ARHGAP29: variants seen among roughly 807,000 people sequenced by gnomAD.
The protein encoded by ARHGAP29 is rho GTPase-activating protein 29.
A neutral mutation model predicts 122.6 loss-of-function variants in ARHGAP29; 43 were observed. That is an observed-to-expected ratio of 0.35 (90% CI 0.27 to 0.45). The LOEUF (loss-of-function observed/expected upper bound fraction) is 0.45. ARHGAP29 is among the 20% of genes least tolerant of loss of function. The pLI is 1.00. For missense variants in ARHGAP29, 1,303 were observed against 1,477.2 expected, an observed-to-expected ratio of 0.88 and a Z score of 1.93; for synonymous variants, 506 against 497.1, an observed-to-expected ratio of 1.02 and a Z score of -0.24.
At chr1:94,301,794 ATGAGGC>A in the ARHGAP29 span, among the ~76,000 whole-genome samples, 4 of 152,190 alleles carry the variant, frequency 2.6e-5, no homozygotes, top group Non-Finnish European at 5.9e-5. Context: ...TACAAGGGAA[ATGAGGC>A]TGCACTGTGG....
chr1:94,231,575 G>GT lies in ARHGAP29; in HGVS notation c.36dup (p.Arg13ThrfsTer11). 6.2e-7 allele frequency: 1 copy of GT among 1,613,412 alleles called. No homozygotes were observed. ...GAGAGTTGACCTGATGCCCAAGCAC[G>GT]TTTTTTCTTTGTCTTTTTCTGTTTG... On this transcript the variant is annotated frameshift_variant, in exon 2 of 23. Coordinates refer to ENST00000260526, the MANE Select transcript of ARHGAP29 (RefSeq NM_004815.4). LOFTEE classifies it high-confidence loss of function.
At chr1:94,301,384 G>A in the ARHGAP29 span, among the ~76,000 whole-genome samples, 3 of 152,196 alleles carry the variant, frequency 2.0e-5, no homozygotes, top group Middle Eastern at 3.4e-3. Flanking sequence ...TAGATCCAGC[G>A]GCTCAGATAT....
the ARHGAP29 span, among the ~76,000 whole-genome samples, chr1:94,307,609 A>G: frequency 6.6e-6 from 1 of 152,232 alleles, no homozygotes; most frequent in Non-Finnish European, 1.5e-5. Flanking sequence ...TAGACAATAC[A>G]TCAATGGCAC....
the ARHGAP29 span, among the ~76,000 whole-genome samples, chr1:94,293,914 C>G: frequency 6.6e-6 from 1 of 152,226 alleles, no homozygotes; most frequent in African/African-American, 2.4e-5. Context: ...CCTCTCCCCT[C>G]TCCCAGTTAG....
chr1:94,202,740 GAA>G lies in ARHGAP29; in HGVS notation c.955-10_955-9del, dbSNP rs760169382. On this transcript the variant is annotated splice_polypyrimidine_tract_variant and intron_variant, in intron 10 of 22. Transcript: ENST00000260526. The stretch of plus-strand genomic sequence containing the variant: ...AGCATTCTCTGCTTCAAGCTACACC[GAA>G]AAGAGTATTAAACACAGAATATGAA... 3.4e-5 allele frequency: 54 copies of G among 1,610,920 alleles called. No homozygotes were observed. The South Asian group carries it at 5.1e-4, about 15-fold the overall frequency.
At chr1:94,178,680 T>C (rs943145427) in intron 20 of ARHGAP29, among the ~76,000 whole-genome samples, 1 of 152,170 alleles carries the variant, frequency 6.6e-6, no homozygotes, top group South Asian at 2.1e-4. Context: ...AGTTTCCATA[T>C]TGCTGCCAGA....
At chr1:94,294,709 T>C in the ARHGAP29 span, among the ~76,000 whole-genome samples, 6 of 152,116 alleles carry the variant, frequency 3.9e-5, no homozygotes, top group African/African-American at 1.4e-4. Flanking sequence ...CTAGATGAGA[T>C]GAGCAGAGGG....
intron 1 of ARHGAP29, among the ~76,000 whole-genome samples, chr1:94,253,636 A>ACGCACGCACGCACGCACGCACGCACG (rs1553214897): frequency 6.7e-6 from 1 of 149,232 alleles, no homozygotes; most frequent in Non-Finnish European, 1.5e-5. Context: ...TCTGGAACAC[A>ACGCACGCACGCACGCACGCACGCACG]CACGCACGCA....
chr1:94,224,054 C>T (rs551077190), intron 2 of ARHGAP29, among the ~76,000 whole-genome samples: 35 of 152,292 alleles, frequency 2.3e-4, no homozygotes, highest in Admixed American at 5.2e-4. Flanking sequence ...GGTGATCCAC[C>T]GGCCTTGGCC....
intron 16 of ARHGAP29, 41 bp downstream of exon 16, chr1:94,186,458 T>G: frequency 1.0e-3 from 1,415 of 1,359,350 alleles, no homozygotes; most frequent in Non-Finnish European, 1.4e-3. Context: ...TGCTACTGAT[T>G]GAGCTGGTTT....
At position 94,185,151 on chromosome 1, in the gene ARHGAP29, G is replaced by A. The variant is rs1438471704; in HGVS notation, c.1921-91C>T. On this transcript the variant is annotated intron_variant, in intron 17 of 22. Transcript: ENST00000260526. Reference sequence around the variant, plus strand: ...GTGGAAGGTAACACAACAAAAATGAGTTTAAGAGGTATTACTTGCGCTATT... The same window carrying A: ...GTGGAAGGTAACACAACAAAAATGAATTTAAGAGGTATTACTTGCGCTATT... The A allele has an allele frequency of 3.1e-6, 4 of 1,301,886 alleles. No individual in the cohort carries two copies. In the South Asian group the frequency reaches 6.2e-5, roughly 20 times the overall value. 80.6% of individuals were successfully genotyped at this position (1,301,886 alleles called of 1,614,324 possible).
intron 22 of ARHGAP29, chr1:94,177,129 CATACACATCT>C (rs1649142546): frequency 6.6e-6 from 1 of 152,192 alleles, no homozygotes; most frequent in African/African-American, 2.4e-5. Flanking sequence ...AGAAAAAAGA[CATACACATCT>C]CTGTGTTTAA....
chr1:94,265,790 G>GT (rs1654747727), intron 1 of ARHGAP29, among the ~76,000 whole-genome samples: 1 of 152,170 alleles, frequency 6.6e-6, no homozygotes, highest in South Asian at 2.1e-4. Context: ...AAGGGTGGGG[G>GT]TGACTGGTCA....
chr1:94,174,472 A>G lies in ARHGAP29; in HGVS notation c.3183T>C (p.Ala1061=). ...TAAATTTGGAACAAACAGTAGTAGC[A>G]GCGTCTTTTCTATTAACTCCTTCAA... ...PAFEGVNRKD[A]ATTVCSKFNG... is the part of the protein sequence containing the mutation. Residue 1061 remains alanine (A), a synonymous_variant, in exon 23 of 23, where the codon GCT becomes GCC. Coordinates refer to ENST00000260526, the MANE Select transcript of ARHGAP29 (RefSeq NM_004815.4). The G allele has an allele frequency of 6.2e-7, 1 of 1,614,208 alleles. No individual in the cohort carries two copies. Among genetic ancestry groups the G allele is most frequent in the Non-Finnish European group, 8.5e-7 (1 of 1,180,034 alleles).
At position 94,200,166 on chromosome 1, in the gene ARHGAP29, CA is replaced by C. The variant is rs1465398295; in HGVS notation, c.1281+1553del. 1.7e-4 allele frequency among the ~76,000 whole-genome samples: 26 copies of C among 152,150 alleles called. No individual in the cohort carries two copies. The South Asian group carries it at 4.6e-3, about 27-fold the overall frequency. On this transcript the variant is annotated intron_variant, in intron 12 of 22. Transcript: ENST00000260526. ...AACAAAATTAAAACCTCTTTCTCCC[CA>C]AAAGACACTGCTAAAAGAATAAAAA...
rs529813909 is a variant in ARHGAP29, at chr1:94,170,705, G to A, written c.*3164C>T. 5.3e-4 allele frequency among the ~76,000 whole-genome samples: 81 copies of A among 152,288 alleles called. No individual in the cohort carries two copies. The highest frequency in any genetic ancestry group is 1.9e-3 in the African/African-American group (80 of 41,576). On this transcript the variant is annotated 3_prime_UTR_variant, in exon 23 of 23. Coordinates refer to ENST00000260526, the MANE Select transcript of ARHGAP29 (RefSeq NM_004815.4). Reference sequence around the variant, plus strand: ...TTACATTGAATCTACAAATGTAAATGAACATCTTTACACGACTGAGTCTTC... The same window carrying A: ...TTACATTGAATCTACAAATGTAAATAAACATCTTTACACGACTGAGTCTTC...
intron 3 of ARHGAP29, among the ~76,000 whole-genome samples, chr1:94,216,269 A>G (rs1171494500): frequency 1.3e-5 from 2 of 152,242 alleles, no homozygotes; most frequent in Non-Finnish European, 2.9e-5. Flanking sequence ...TAAATAAATT[A>G]TAGTACATCA....
At chr1:94,206,313 G>A (rs74339982) in intron 5 of ARHGAP29, among the ~76,000 whole-genome samples, 29,911 of 151,994 alleles carry the variant, frequency 0.2, 3,784 homozygotes, top group Middle Eastern at 0.33. Context: ...ATTGCATTGT[G>A]CTGGAAAACA....
chr1:94,284,233 T>C, the ARHGAP29 span, among the ~76,000 whole-genome samples: 1 of 152,346 alleles, frequency 6.6e-6, no homozygotes, highest in Middle Eastern at 3.4e-3. Context: ...TAATTTCTTA[T>C]GCTGAGTATC....
Sources: allele counts gnomAD v4.1 joint callset (sites outside exome capture counted in the v4.1 genomes callset), GRCh38; gene constraint gnomAD v4.1.1; transcripts MANE v1.5; gene names NCBI Gene and HGNC (gene_info 2026-07-23, HGNC 2026-07-21).